The following CFAP95 variants were observed in gnomAD, a reference collection of about 807,000 sequenced individuals.
The protein encoded by CFAP95 is cilia- and flagella-associated protein 95.
the CFAP95 span, among the ~76,000 whole-genome samples, chr9:69,878,482 C>T: frequency 5.3e-5 from 8 of 152,320 alleles, no homozygotes; most frequent in South Asian, 2.1e-4. Flanking sequence ...TTTGGCTCTA[C>T]GGATTCTGGA....
At chr9:69,878,391 G>A in the CFAP95 span, among the ~76,000 whole-genome samples, 1 of 152,100 alleles carries the variant, frequency 6.6e-6, no homozygotes, top group Non-Finnish European at 1.5e-5. Flanking sequence ...TGTCCTCTGT[G>A]TTTCACCCCT....
At chr9:69,856,078 T>C in the CFAP95 span, among the ~76,000 whole-genome samples, 3 of 152,308 alleles carry the variant, frequency 2.0e-5, no homozygotes, top group Admixed American at 2.0e-4. Flanking sequence ...TTGGTTTGAG[T>C]ACATCTTATA....
the CFAP95 span, chr9:69,905,911 A>G: frequency 1.5e-6 from 2 of 1,359,828 alleles, no homozygotes; most frequent in Non-Finnish European, 2.0e-6. Flanking sequence ...TTCTTTTTAC[A>G]TACTTCAGTT....
the CFAP95 span, among the ~76,000 whole-genome samples, chr9:69,824,335 G>T: frequency 6.6e-6 from 1 of 152,158 alleles, no homozygotes; most frequent in African/African-American, 2.4e-5. Context: ...TTCTGTGTTT[G>T]TAAATTCACC....
chr9:69,877,072 A>C, the CFAP95 span, among the ~76,000 whole-genome samples: 1 of 152,246 alleles, frequency 6.6e-6, no homozygotes, highest in South Asian at 2.1e-4. Flanking sequence ...AAATTCTAAA[A>C]TTTTAGAAAT....
chr9:69,867,853 G>C, the CFAP95 span, among the ~76,000 whole-genome samples: 1 of 152,160 alleles, frequency 6.6e-6, no homozygotes, highest in Non-Finnish European at 1.5e-5. Flanking sequence ...AGCTGTCTTG[G>C]ATCATCCAGC....
the CFAP95 span, chr9:69,821,124 G>A: frequency 1.4e-6 from 2 of 1,452,542 alleles, no homozygotes; most frequent in Non-Finnish European, 1.9e-6. Context: ...GTCAGAGAGA[G>A]GGGACAGGAG....
At chr9:69,895,031 G>A in the CFAP95 span, among the ~76,000 whole-genome samples, 820 of 152,024 alleles carry the variant, frequency 5.4e-3, 8 homozygotes, top group Non-Finnish European at 8.7e-3. Flanking sequence ...GTTAGACAGT[G>A]TGATGGTTAA....
chr9:69,836,803 AT>A, the CFAP95 span, among the ~76,000 whole-genome samples: 6 of 150,052 alleles, frequency 4.0e-5, no homozygotes, highest in Admixed American at 6.7e-5. Flanking sequence ...ATATGTATAC[AT>A]GTGCCATGCT....
the CFAP95 span, chr9:69,858,304 G>A: frequency 3.2e-6 from 1 of 312,618 alleles, no homozygotes; most frequent in South Asian, 3.5e-5. Context: ...GGTAAAAAAG[G>A]GAAGGCACCA....
At chr9:69,843,807 ATTTTTGTAT>A in the CFAP95 span, among the ~76,000 whole-genome samples, 2 of 150,326 alleles carry the variant, frequency 1.3e-5, no homozygotes, top group South Asian at 2.1e-4. Context: ...AGCCCAACTG[ATTTTTGTAT>A]TTTTTGTAGA....
chr9:69,840,913 G>T, the CFAP95 span, among the ~76,000 whole-genome samples: 6,012 of 151,656 alleles, frequency 0.04, 392 homozygotes, highest in African/African-American at 0.14. Flanking sequence ...CTTCATTATG[G>T]ATTCATGGTT....
chr9:69,887,799 C>T, the CFAP95 span, among the ~76,000 whole-genome samples: 2 of 152,168 alleles, frequency 1.3e-5, no homozygotes, highest in East Asian at 1.9e-4. Context: ...AAGATTGCCT[C>T]CACCTTTTAA....
At chr9:69,883,165 G>T in the CFAP95 span, among the ~76,000 whole-genome samples, 5 of 152,168 alleles carry the variant, frequency 3.3e-5, no homozygotes, top group Admixed American at 1.3e-4. Flanking sequence ...AACACAAAAA[G>T]TGGCTCAACA....
the CFAP95 span, among the ~76,000 whole-genome samples, chr9:69,881,022 T>C: frequency 6.6e-6 from 1 of 152,168 alleles, no homozygotes; most frequent in African/African-American, 2.4e-5. Context: ...ATTTTTTTTT[T>C]CCTGTAGAGT....
chr9:69,891,656 TTAAAA>T, the CFAP95 span, among the ~76,000 whole-genome samples: 2 of 152,206 alleles, frequency 1.3e-5, no homozygotes, highest in African/African-American at 2.4e-5. Context: ...ACCTCTGAAC[TTAAAA>T]TAAAAGCTTT....
the CFAP95 span, among the ~76,000 whole-genome samples, chr9:69,854,823 A>T: frequency 6.6e-6 from 1 of 152,198 alleles, no homozygotes; most frequent in African/African-American, 2.4e-5. Context: ...GGTTTCTGTT[A>T]TGAAAGATAC....
the CFAP95 span, among the ~76,000 whole-genome samples, chr9:69,898,040 C>G: frequency 1.3e-5 from 2 of 152,140 alleles, no homozygotes; most frequent in Non-Finnish European, 2.9e-5. Context: ...CTATTTTGCC[C>G]TCAGTATTCC....
chr9:69,877,498 T>G, the CFAP95 span, among the ~76,000 whole-genome samples: 3 of 152,252 alleles, frequency 2.0e-5, no homozygotes, highest in Non-Finnish European at 4.4e-5. Context: ...CATAAATGAC[T>G]TGTATATCTT....
Sources: allele counts gnomAD v4.1 joint callset (sites outside exome capture counted in the v4.1 genomes callset), GRCh38; gene constraint gnomAD v4.1.1; transcripts MANE v1.5; gene names NCBI Gene and HGNC (gene_info 2026-07-23, HGNC 2026-07-21).